The following TRIM37 variants were observed in gnomAD, a reference collection of about 807,000 sequenced individuals.
TRIM37 encodes the protein tripartite motif containing 37, also known as E3 ubiquitin-protein ligase TRIM37.
A neutral mutation model predicts 129.8 loss-of-function variants in TRIM37; 80 were observed. The observed-to-expected ratio is 0.62, with a 90% CI of 0.51 to 0.74. The LOEUF (loss-of-function observed/expected upper bound fraction) is 0.74. Among genes scored for constraint, TRIM37 ranks in the 30% least tolerant of loss-of-function variants. The pLI is 0.00. For missense variants in TRIM37, 1,054 were observed against 1,176.5 expected, an observed-to-expected ratio of 0.90 and a Z score of 1.52; for synonymous variants, 389 against 387.1, an observed-to-expected ratio of 1.00 and a Z score of -0.06.
intron 9 of TRIM37, among the ~76,000 whole-genome samples, chr17:59,064,943 T>C (rs149166828): frequency 0.021 from 3,160 of 152,104 alleles, 42 homozygotes; most frequent in Middle Eastern, 0.044. Context: ...CCCAGCTACT[T>C]GGGAGGCTGA....
intron 15 of TRIM37, 38 bp downstream of exon 15, chr17:59,049,140 A>C: frequency 6.5e-7 from 1 of 1,541,314 alleles, no homozygotes; most frequent in Non-Finnish European, 9.0e-7. Flanking sequence ...GTTTTTTTTT[A>C]ATCAAACACA....
chr17:59,040,188 G>A (rs1168817255), intron 17 of TRIM37, among the ~76,000 whole-genome samples: 1 of 152,090 alleles, frequency 6.6e-6, no homozygotes, highest in African/African-American at 2.4e-5. Context: ...TTACAGGCGT[G>A]AGTCACCAAG....
In TRIM37 at chr17:58,998,921, C is replaced by G; in HGVS notation, c.*456G>C. The G allele has an allele frequency of 9.7e-7, 1 of 1,025,840 alleles. No homozygotes were observed. Among genetic ancestry groups the G allele is most frequent in the Non-Finnish European group, 1.2e-6 (1 of 853,856 alleles). 63.5% of individuals were successfully genotyped at this position (1,025,840 alleles called of 1,614,324 possible). A position where few individuals can be genotyped will look rare whatever the true frequency, so the allele number is the denominator to read the frequency against. ...CCAAAGCAATTTTCTGTTCACTAAT[C>G]TACAGGCACTAATGGAACTGTAATT... On this transcript the variant is annotated 3_prime_UTR_variant, in exon 24 of 24. Transcript: ENST00000262294.
intron 17 of TRIM37, among the ~76,000 whole-genome samples, chr17:59,039,335 G>C (rs2038900064): frequency 6.6e-6 from 1 of 150,640 alleles, no homozygotes. Flanking sequence ...TTCCCAGCCT[G>C]TCAGGATGGC....
rs1188123789 is a variant in TRIM37, at chr17:59,079,869, A to G, written c.501T>C (p.Asn167=). 5.0e-6 allele frequency: 8 copies of G among 1,613,942 alleles called. No homozygotes were observed. Among genetic ancestry groups the G allele is most frequent in the Admixed American group, 1.7e-5 (1 of 60,016 alleles). ...LISLVQEVER[N]VEAVRNAKDE... ...CTTTTGCATTTCTTACAGCTTCTAC[A>G]TTCCTTTCCTAGAAGATAAAGAGGT... The change falls in exon 7 of 24, where the codon AAT becomes AAC. Residue 167 remains asparagine, a synonymous_variant. Coordinates refer to ENST00000262294, the MANE Select transcript of TRIM37 (RefSeq NM_015294.6).
chr17:59,014,494 G>C (rs966730720), intron 21 of TRIM37, among the ~76,000 whole-genome samples: 28 of 152,050 alleles, frequency 1.8e-4, no homozygotes, highest in African/African-American at 6.8e-4. Context: ...ATGTCTCCTA[G>C]GGGAGAGATA....
Position 59,049,219 on chromosome 17 carries a change from C to G in TRIM37, c.1489G>C (p.Asp497His). 6.2e-7 allele frequency: 1 copy of G among 1,614,052 alleles called. No homozygotes were observed. The highest frequency in any genetic ancestry group is 8.5e-7 in the Non-Finnish European group (1 of 1,180,030). The stretch of plus-strand genomic sequence containing the variant: ...TGAATCTTCTCCTCATCTTCTTCAT[C>G]CTCTTTGGCCTCTCTTACAGAAGCT... ...TTASVREAKE[D>H]EEDEEKIQNE... The change falls in exon 15 of 24, where the codon GAT becomes CAT. Residue 497 changes from aspartate to histidine, a missense_variant. Physicochemically the swap from Asp to His is moderately conservative, Grantham distance 81 (BLOSUM62 -1). This residue lies in a region of TRIM37 where 752 missense variants were observed against 870.8 expected (regional missense o/e 0.86). Coordinates refer to ENST00000262294, the MANE Select transcript of TRIM37 (RefSeq NM_015294.6).
intron 5 of TRIM37, among the ~76,000 whole-genome samples, chr17:59,083,269 C>T (rs1371930637): frequency 6.6e-6 from 1 of 152,048 alleles, no homozygotes; most frequent in Non-Finnish European, 1.5e-5. Flanking sequence ...AACCCCGTCT[C>T]TACTAAAAAT....
At chr17:58,987,627 T>C (rs1055202858) in intron 24 of TRIM37, among the ~76,000 whole-genome samples, 6 of 152,194 alleles carry the variant, frequency 3.9e-5, no homozygotes, top group African/African-American at 1.4e-4. Context: ...AAGGCATGTA[T>C]TGGTAGATGT....
downstream of TRIM37, chr17:58,981,080 T>TATCA (rs1256921693): frequency 1.5e-6 from 2 of 1,298,796 alleles, no homozygotes; most frequent in Admixed American, 2.2e-5. Context: ...AAAATACCAC[T>TATCA]ATCAGAGTAG....
chr17:58,973,198 A>T, the TRIM37 span, among the ~76,000 whole-genome samples: 1 of 151,300 alleles, frequency 6.6e-6, no homozygotes, highest in East Asian at 2.0e-4. Context: ...CGGGTGTATC[A>T]CGAGGTCAGG....
intron 2 of TRIM37, among the ~76,000 whole-genome samples, chr17:59,100,132 TTCCCCCTTTATGTCCATGTATGC>T (rs2045324470): frequency 6.6e-6 from 1 of 152,110 alleles, no homozygotes; most frequent in Admixed American, 6.6e-5. Context: ...TGTCTAGCAT[TTCCCCCTTTATGTCCATGTATGC>T]TCATTGTTTA....
chr17:59,065,425 C>T (rs2041848971), intron 9 of TRIM37, among the ~76,000 whole-genome samples: 1 of 152,206 alleles, frequency 6.6e-6, no homozygotes, highest in Non-Finnish European at 1.5e-5. Flanking sequence ...GACTAGCACA[C>T]TCACACTTTC....
Position 58,999,120 on chromosome 17 carries a change from T to C in TRIM37, c.*257A>G, listed in dbSNP as rs2033340761. On this transcript the variant is annotated 3_prime_UTR_variant, in exon 24 of 24. Transcript: ENST00000262294. Reference sequence around the variant, plus strand: ...AACTGCCTTTTGTGAATGTACAAATTTGCTAAATTAATAGAGAACTACATT... The same window carrying C: ...AACTGCCTTTTGTGAATGTACAAATCTGCTAAATTAATAGAGAACTACATT... 7.7e-7 allele frequency: 1 copy of C among 1,291,212 alleles called. No individual in the cohort carries two copies. The highest frequency in any genetic ancestry group is 9.9e-7 in the Non-Finnish European group (1 of 1,014,426). 80.0% of individuals were successfully genotyped at this position (1,291,212 alleles called of 1,614,324 possible).
At chr17:58,982,908 T>G (rs756148856) in exon 25 of TRIM37, 11 of 1,574,180 alleles carry the variant, frequency 7.0e-6, no homozygotes, top group Non-Finnish European at 9.5e-6. Context: ...AGTGTCAGTT[T>G]CAAATCAAAT....
At chr17:59,039,666 G>A (rs1286148848) in intron 17 of TRIM37, among the ~76,000 whole-genome samples, 1 of 151,910 alleles carries the variant, frequency 6.6e-6, no homozygotes, top group African/African-American at 2.4e-5. Flanking sequence ...GTCTTTATAA[G>A]AATTAAAGCT....
intron 16 of TRIM37, among the ~76,000 whole-genome samples, chr17:59,043,713 C>T (rs2039489431): frequency 6.6e-6 from 1 of 152,164 alleles, no homozygotes; most frequent in East Asian, 1.9e-4. Context: ...CCCAGATCAT[C>T]CCTGCCCCAG....
At chr17:59,043,736 G>T (rs1257865803) in intron 16 of TRIM37, among the ~76,000 whole-genome samples, 1 of 152,180 alleles carries the variant, frequency 6.6e-6, no homozygotes, top group African/African-American at 2.4e-5. Context: ...TATTCATAAG[G>T]TGGAGGTCCC....
At chr17:59,024,241 T>TAAAAAA (rs2036975778) in intron 19 of TRIM37, among the ~76,000 whole-genome samples, 1 of 134,598 alleles carries the variant, frequency 7.4e-6, no homozygotes, top group African/African-American at 3.0e-5. Context: ...AAAAAAAAAT[T>TAAAAAA]GCCACATTGG....
Sources: gnomAD v4.1 joint callset for allele counts (sites outside exome capture counted in the v4.1 genomes callset) on GRCh38, gnomAD v4.1.1 for gene constraint, gnomAD v4.1.1 regional missense constraint, MANE v1.5 for transcripts, NCBI Gene and HGNC (gene_info 2026-07-23, HGNC 2026-07-21) for gene names.